PALD1: variants seen among roughly 807,000 people sequenced by gnomAD.
PALD1 encodes paladin.
In PALD1, 57 loss-of-function variants were observed where a neutral mutation model predicts 96.0. The observed-to-expected ratio is 0.59, with a 90% confidence interval of 0.48 to 0.74. PALD1 has a LOEUF of 0.74. Ranked by LOEUF, PALD1 falls within the 30% of genes least tolerant of loss-of-function variation. PALD1 has a pLI of 0.00. For missense variants in PALD1, 1,063 were observed against 1,143.7 expected (o/e 0.93, Z 1.02); for synonymous variants, 464 against 473.6 (o/e 0.98, Z 0.26).
intron 1 of PALD1, among the ~76,000 whole-genome samples, chr10:70,502,582 A>G (rs1480712116): frequency 6.6e-6 from 1 of 152,126 alleles, no homozygotes; most frequent in East Asian, 1.9e-4. Context: ...GGAATGTATC[A>G]TGGACGTCAT....
chr10:70,560,687 A>G (rs1847719787), intron 18 of PALD1, among the ~76,000 whole-genome samples: 1 of 151,762 alleles, frequency 6.6e-6, no homozygotes, highest in Non-Finnish European at 1.5e-5. Context: ...GCAGAGCTTC[A>G]TGAGAGCCCC....
Position 70,525,199 on chromosome 10 carries a change from A to G in PALD1, c.-29-724A>G, listed in dbSNP as rs1272087084. Among the ~76,000 whole-genome samples, 8 of 147,974 alleles carry G rather than the reference A, an allele frequency of 5.4e-5. No individual in the cohort carries two copies. In the East Asian group the frequency reaches 1.6e-3, roughly 29 times the overall value. On this transcript the variant is annotated intron_variant, in intron 1 of 19. Coordinates refer to ENST00000263563, the MANE Select transcript of PALD1 (RefSeq NM_014431.3). ...TATTTTTTTTTTTTTTTAAGTAGAGATGGGGTTTCACCATGTTGGCCAGGA... is the reference window on the plus strand; with the variant it reads ...TATTTTTTTTTTTTTTTAAGTAGAGGTGGGGTTTCACCATGTTGGCCAGGA...
intron 18 of PALD1, among the ~76,000 whole-genome samples, chr10:70,560,426 TAAAC>T (rs71472979): frequency 6.6e-6 from 1 of 151,664 alleles, no homozygotes; most frequent in African/African-American, 2.4e-5. Context: ...AAGCATGTGC[TAAAC>T]AAACAAATAA....
At chr10:70,507,321 AGAATCG>A (rs1846411539) in intron 1 of PALD1, among the ~76,000 whole-genome samples, 1 of 151,962 alleles carries the variant, frequency 6.6e-6, no homozygotes, top group South Asian at 2.1e-4. Context: ...TTGAGGCAGG[AGAATCG>A]CTTGAATACA....
At chr10:70,565,843 G>A (rs1265339297) in intron 19 of PALD1, among the ~76,000 whole-genome samples, 2 of 152,130 alleles carry the variant, frequency 1.3e-5, no homozygotes, top group Admixed American at 6.5e-5. Context: ...GAGAGCAGAA[G>A]TTGGGGGAGC....
At chr10:70,541,049 G>GT (rs1305710680) in intron 15 of PALD1, 53 bp from the exon 16 acceptor site, 4 of 1,532,462 alleles carry the variant, frequency 2.6e-6, no homozygotes, top group Non-Finnish European at 3.5e-6. Flanking sequence ...CCCTGTTGGG[G>GT]TTTGTGCATC....
intron 18 of PALD1, among the ~76,000 whole-genome samples, chr10:70,551,645 A>T (rs870458): frequency 0.19 from 29,260 of 151,994 alleles, 3,130 homozygotes; most frequent in East Asian, 0.47. Flanking sequence ...TGCCGGCTTC[A>T]GCAGTCAACT....
At chr10:70,545,925 G>A (rs1480622714) in intron 17 of PALD1, among the ~76,000 whole-genome samples, 1 of 151,962 alleles carries the variant, frequency 6.6e-6, no homozygotes, top group Non-Finnish European at 1.5e-5. Flanking sequence ...TTTGAAGCAG[G>A]ATTTCTACTG....
chr10:70,485,817 C>G (rs1846009263), intron 1 of PALD1: 1 of 154,810 alleles, frequency 6.5e-6, no homozygotes, highest in Non-Finnish European at 1.5e-5. Flanking sequence ...GCATTTCCCA[C>G]AGACCCACCA....
chr10:70,461,605 T>A, the PALD1 span, among the ~76,000 whole-genome samples: 1 of 152,100 alleles, frequency 6.6e-6, no homozygotes, highest in Admixed American at 6.6e-5. Flanking sequence ...TTCACCTCTG[T>A]AGATGGGTAC....
In PALD1 at chr10:70,529,224, C is replaced by CAA; in HGVS notation, c.186-5_186-4insAA. 1 of 300,610 alleles carries CAA rather than the reference C, an allele frequency of 3.3e-6. No individual in the cohort carries two copies. Among genetic ancestry groups the CAA allele is most frequent in the Non-Finnish European group, 6.2e-6 (1 of 161,920 alleles). The allele number at this position is 300,610 out of a possible 1,614,324, so 18.6% of individuals were successfully genotyped here. On this transcript the variant is annotated splice_region_variant and splice_polypyrimidine_tract_variant and intron_variant, in intron 2 of 19. Coordinates refer to ENST00000263563, the MANE Select transcript of PALD1 (RefSeq NM_014431.3). ...TTCCATTCTGCCCCCCCCCCCCCCC[C>CAA]CCAGGTACAACTGCAAGGAGGAGTT...
In PALD1 at chr10:70,497,321, C is replaced by T. The variant is rs150451928; in HGVS notation, c.-30+18262C>T. On this transcript the variant is annotated intron_variant, in intron 1 of 19. Transcript: ENST00000263563. Reference sequence around the variant, plus strand: ...TACTCACGTGTGCTCCTGGCGGGTGCAGGTGTGCACAGCTGCCTCGCTCAG... The same window carrying T: ...TACTCACGTGTGCTCCTGGCGGGTGTAGGTGTGCACAGCTGCCTCGCTCAG... Among the ~76,000 whole-genome samples the T allele has an allele frequency of 4.0e-3, 605 of 152,358 alleles. 2 individuals are homozygous for T. The highest frequency in any genetic ancestry group is 5.8e-3 in the Non-Finnish European group (393 of 68,028).
At chr10:70,485,112 T>A (rs1227632932) in intron 1 of PALD1, among the ~76,000 whole-genome samples, 1 of 152,234 alleles carries the variant, frequency 6.6e-6, no homozygotes, top group Non-Finnish European at 1.5e-5. Context: ...CCACCATGTT[T>A]TTGAAACAAG....
At chr10:70,525,801 C>A in intron 1 of PALD1, 122 bp from the exon 2 acceptor site, 1 of 743,134 alleles carries the variant, frequency 1.3e-6, no homozygotes, top group Non-Finnish European at 2.3e-6. Flanking sequence ...GCAAGCCTGC[C>A]TCTGTCTCCA....
At chr10:70,506,577 G>C (rs1256385064) in intron 1 of PALD1, among the ~76,000 whole-genome samples, 1 of 152,174 alleles carries the variant, frequency 6.6e-6, no homozygotes, top group African/African-American at 2.4e-5. Context: ...GACACTGCCT[G>C]GGGGAGTGGA....
chr10:70,532,668 T>C lies in PALD1; in HGVS notation c.681T>C (p.His227=), dbSNP rs750659533. 8 of 1,614,152 alleles carry C rather than the reference T, an allele frequency of 5.0e-6. No individual in the cohort carries two copies. In the South Asian group the frequency reaches 8.8e-5, roughly 18 times the overall value. The change falls in exon 6 of 20, where the codon CAT becomes CAC. Residue 227 remains histidine, a synonymous_variant. Coordinates refer to ENST00000263563, the MANE Select transcript of PALD1 (RefSeq NM_014431.3). ...GCGAGAACACATACCATGTGTACCA[T>C]AACACCGAGGACCTGTGGGGGGAGC... ...QLSENTYHVY[H]NTEDLWGEPH... is the part of the protein sequence containing the mutation.
Position 70,566,579 on chromosome 10 carries a change from A to AGGT in PALD1, c.2420_2422dup, listed in dbSNP as rs1269848617. ...CTGCTCCTGCCTCTGCTCTCCTCCC[A>AGGT]GGTGGCATCGAAGGCTGGCATCTAC... On this transcript the variant is annotated splice_acceptor_variant, in intron 19 of 19. Transcript: ENST00000263563. LOFTEE classifies it high-confidence loss of function. The AGGT allele has an allele frequency of 6.2e-7, 1 of 1,606,178 alleles. No homozygotes were observed. Among genetic ancestry groups the AGGT allele is most frequent in the Admixed American group, 1.7e-5 (1 of 59,272 alleles).
intron 1 of PALD1, among the ~76,000 whole-genome samples, chr10:70,501,482 C>T (rs1846292733): frequency 6.6e-6 from 1 of 152,164 alleles, no homozygotes; most frequent in Non-Finnish European, 1.5e-5. Context: ...CTGGCGTCTA[C>T]GCAGCTCCTT....
the PALD1 span, among the ~76,000 whole-genome samples, chr10:70,471,290 C>T: frequency 6.6e-6 from 1 of 152,166 alleles, no homozygotes. Context: ...TACTCTTATC[C>T]CTGGATACTG....
Sources: allele counts gnomAD v4.1 joint callset (sites outside exome capture counted in the v4.1 genomes callset), GRCh38; gene constraint gnomAD v4.1.1; transcripts MANE v1.5; gene names NCBI Gene and HGNC (gene_info 2026-07-23, HGNC 2026-07-21).